The following NEDD4 variants were observed in gnomAD, a reference collection of about 807,000 sequenced individuals.
NEDD4 encodes the protein NEDD4 E3 ubiquitin protein ligase.
NEDD4 carries 99 observed loss-of-function variants against 144.9 expected under a neutral mutation model. The ratio of observed to expected loss-of-function variants is 0.68; its 90% CI spans 0.58 to 0.81. NEDD4 has a LOEUF of 0.81. NEDD4 is among the 30% of genes least tolerant of loss of function. The pLI is 0.00. For missense variants in NEDD4, 985 were observed against 1,065.9 expected, an observed-to-expected ratio of 0.92 and a Z score of 1.06; for synonymous variants, 318 against 350.6, an observed-to-expected ratio of 0.91 and a Z score of 1.04.
rs1238253503 is a variant in NEDD4 at position 55,828,888 on chromosome 15, T to C, written c.*1009A>G. 6.6e-6 allele frequency: 1 copy of C among 152,666 alleles called. No individual in the cohort carries two copies. The highest frequency in any genetic ancestry group is 1.5e-5 in the Non-Finnish European group (1 of 68,046). 9.5% of individuals were successfully genotyped at this position (152,666 alleles called of 1,614,324 possible). A position where few individuals can be genotyped will look rare whatever the true frequency, so the allele number is the denominator to read the frequency against. ...TTATTTGGTTTTTTTACTAGAGTGA[T>C]ACTAAAAATATAAAAATGCGACTAC... On this transcript the variant is annotated 3_prime_UTR_variant, in exon 29 of 29. Coordinates refer to ENST00000435532, the MANE Select transcript of NEDD4 (RefSeq NM_006154.4).
Position 55,850,581 on chromosome 15 carries a change from C to T in NEDD4, c.1308G>A (p.Arg436=). ...GWEVRHAPNG[R]PFFIDHNTKT... Reference sequence around the variant, plus strand: ...TAGTGTTGTGGTCAATAAAGAAAGGCCTCCCATTTGGTGCATGCCGGACTT... The same window carrying T: ...TAGTGTTGTGGTCAATAAAGAAAGGTCTCCCATTTGGTGCATGCCGGACTT... Residue 436 remains arginine, a synonymous_variant, in exon 14 of 29, where the codon AGG becomes AGA. Coordinates refer to ENST00000435532, the MANE Select transcript of NEDD4 (RefSeq NM_006154.4). The T allele has an allele frequency of 3.1e-6, 5 of 1,614,088 alleles. No individual in the cohort carries two copies. Among genetic ancestry groups the T allele is most frequent in the Non-Finnish European group, 4.2e-6 (5 of 1,180,006 alleles).
chr15:55,912,730 A>G (rs2036315601), intron 5 of NEDD4, among the ~76,000 whole-genome samples: 1 of 152,158 alleles, frequency 6.6e-6, no homozygotes, highest in Admixed American at 6.5e-5. Context: ...CTGCTTCTTG[A>G]TTGAACTGAC....
chr15:55,916,844 C>T, intron 5 of NEDD4: 1 of 1,580,048 alleles, frequency 6.3e-7, no homozygotes, highest in Non-Finnish European at 8.6e-7. Context: ...GTTCTCATTT[C>T]CAAACATGTT....
chr15:55,911,770 C>T (rs538440701), intron 5 of NEDD4, among the ~76,000 whole-genome samples: 8 of 152,172 alleles, frequency 5.3e-5, no homozygotes, highest in East Asian at 1.9e-4. Context: ...CCTCGTGATC[C>T]GCCCGTCTCG....
chr15:55,878,234 A>G (rs2035061699), intron 5 of NEDD4, among the ~76,000 whole-genome samples: 1 of 152,166 alleles, frequency 6.6e-6, no homozygotes, highest in Admixed American at 6.5e-5. Flanking sequence ...CATGATGATG[A>G]GTATTACCAC....
At chr15:55,894,164 T>C (rs1244623481) in intron 5 of NEDD4, among the ~76,000 whole-genome samples, 1 of 152,142 alleles carries the variant, frequency 6.6e-6, no homozygotes, top group Non-Finnish European at 1.5e-5. Flanking sequence ...GATCTGACTA[T>C]AAGACATAAA....
At chr15:55,869,862 T>TATAAATAAATAAATAAATAA (rs778928932) in intron 7 of NEDD4, among the ~76,000 whole-genome samples, 181 bp from the exon 8 acceptor site, 8 of 79,520 alleles carry the variant, frequency 1.0e-4, no homozygotes, top group African/African-American at 1.6e-4. Context: ...GGCAAACATA[T>TATAAATAAATAAATAAATAA]ATAAATAAAT....
chr15:55,938,265 A>G (rs1241437662), intron 4 of NEDD4, among the ~76,000 whole-genome samples: 2 of 152,236 alleles, frequency 1.3e-5, no homozygotes, highest in Non-Finnish European at 2.9e-5. Flanking sequence ...AAGCTGAGGC[A>G]GGAGAATCAT....
At chr15:55,844,834 G>GTAC (rs2033674191) in intron 18 of NEDD4, among the ~76,000 whole-genome samples, 1 of 147,180 alleles carries the variant, frequency 6.8e-6, no homozygotes, top group Non-Finnish European at 1.5e-5. Flanking sequence ...TTGAGACAGA[G>GTAC]TACTGCTCTG....
chr15:55,852,233 T>C (rs143533500), intron 13 of NEDD4, among the ~76,000 whole-genome samples, 191 bp downstream of exon 13: 396 of 150,972 alleles, frequency 2.6e-3, no homozygotes, highest in Admixed American at 4.6e-3. Flanking sequence ...GAGGCAGAGG[T>C]GCAGTGAGCC....
At chr15:55,946,750 G>T (rs1292946092) in intron 4 of NEDD4, among the ~76,000 whole-genome samples, 1 of 152,080 alleles carries the variant, frequency 6.6e-6, no homozygotes, top group Non-Finnish European at 1.5e-5. Context: ...TGACCACATA[G>T]TTGGAAGTAA....
At chr15:55,864,763 T>A (rs2034528975) in intron 8 of NEDD4, among the ~76,000 whole-genome samples, 1 of 150,626 alleles carries the variant, frequency 6.6e-6, no homozygotes, top group South Asian at 2.1e-4. Flanking sequence ...AGCAGCACAA[T>A]TTTTAAAAAG....
intron 24 of NEDD4, among the ~76,000 whole-genome samples, chr15:55,837,439 A>C (rs1204364741): frequency 6.6e-6 from 1 of 151,944 alleles, no homozygotes; most frequent in Non-Finnish European, 1.5e-5. Flanking sequence ...GCTCAAAAAA[A>C]AAAAAAAAAG....
At chr15:55,925,188 C>T (rs2036640395) in intron 4 of NEDD4, among the ~76,000 whole-genome samples, 1 of 152,178 alleles carries the variant, frequency 6.6e-6, no homozygotes, top group Admixed American at 6.5e-5. Context: ...CACTCATTTT[C>T]TAGTAGTTTC....
intron 8 of NEDD4, among the ~76,000 whole-genome samples, chr15:55,867,782 G>A (rs368490718): frequency 3.3e-5 from 5 of 152,206 alleles, no homozygotes; most frequent in South Asian, 4.1e-4. Context: ...CTGGCTGGGT[G>A]CCGTGGCTCA....
intron 14 of NEDD4, 61 bp from the exon 15 acceptor site, chr15:55,848,947 C>T (rs1384534818): frequency 2.3e-6 from 3 of 1,308,980 alleles, no homozygotes; most frequent in Non-Finnish European, 3.3e-6. Context: ...CAAAGTCAGT[C>T]TGTTACCATG....
intron 2 of NEDD4, among the ~76,000 whole-genome samples, chr15:55,963,295 C>T (rs1317844197): frequency 6.6e-6 from 1 of 151,410 alleles, no homozygotes; most frequent in Non-Finnish European, 1.5e-5. Flanking sequence ...CCATACCTGG[C>T]TAATTTTTTG....
intron 1 of NEDD4, 135 bp downstream of exon 1, chr15:55,993,376 G>A (rs1348010979): frequency 1.8e-5 from 20 of 1,083,924 alleles, no homozygotes; most frequent in East Asian, 3.1e-5. Flanking sequence ...CGCCTCGCGC[G>A]CTCCCCAGGC....
chr15:55,899,159 T>A (rs1031539231), intron 5 of NEDD4, among the ~76,000 whole-genome samples: 1 of 152,184 alleles, frequency 6.6e-6, no homozygotes, highest in African/African-American at 2.4e-5. Context: ...TATCAAATAA[T>A]TCCCAAAGTA....
Sources: gnomAD v4.1 joint callset for allele counts (sites outside exome capture counted in the v4.1 genomes callset) on GRCh38, gnomAD v4.1.1 for gene constraint, MANE v1.5 for transcripts, NCBI Gene and HGNC (gene_info 2026-07-23, HGNC 2026-07-21) for gene names.